CTDP1: variants seen among roughly 807,000 people sequenced by gnomAD.
CTDP1 encodes CTD phosphatase 1.
A neutral mutation model predicts 91.8 loss-of-function variants in CTDP1; 47 were observed. The observed-to-expected ratio is 0.51, with a 90% confidence interval of 0.41 to 0.65. The LOEUF (loss-of-function observed/expected upper bound fraction) is 0.65, where lower values mean the gene tolerates loss of function less well. Among genes scored for constraint, CTDP1 ranks in the 30% least tolerant of loss-of-function variants. The probability of loss-of-function intolerance (pLI) is 0.00; values close to 1 mark genes in which losing one functional copy is unlikely to be tolerated. For missense variants in CTDP1, 1,272 were observed against 1,373.7 expected, an observed-to-expected ratio of 0.93 and a Z score of 1.17; for synonymous variants, 656 against 598.5, an observed-to-expected ratio of 1.10 and a Z score of -1.40.
intron 12 of CTDP1, among the ~76,000 whole-genome samples, chr18:79,744,100 C>T (rs2086834193): frequency 6.6e-6 from 1 of 152,214 alleles, no homozygotes; most frequent in African/African-American, 2.4e-5. Flanking sequence ...GAGGATGCAG[C>T]CATTTGTCTC....
At chr18:79,738,030 G>A (rs1463270238) in intron 12 of CTDP1, among the ~76,000 whole-genome samples, 3 of 8,134 alleles carry the variant, frequency 3.7e-4, no homozygotes, top group Admixed American at 1.2e-3. Flanking sequence ...GCCTCCCCCC[G>A]CCCGCCCTGC....
intron 1 of CTDP1, chr18:79,682,993 C>T (rs950360907): frequency 5.9e-5 from 9 of 152,204 alleles, no homozygotes; most frequent in African/African-American, 2.2e-4. Context: ...GGTTTTTCCT[C>T]TGTTTTTCTT....
chr18:79,679,736 G>C, upstream of CTDP1: 2 of 508,870 alleles, frequency 3.9e-6, no homozygotes, highest in South Asian at 1.9e-5. Flanking sequence ...CCCGCGCGGC[G>C]CTCGTATTTA....
At chr18:79,697,403 C>T (rs751858258) in intron 3 of CTDP1, among the ~76,000 whole-genome samples, 5 of 152,226 alleles carry the variant, frequency 3.3e-5, no homozygotes, top group Middle Eastern at 3.2e-3. Context: ...GCCAGGCCCC[C>T]GGGTCTCTTC....
At chr18:79,723,929 T>C (rs1211918757) in intron 10 of CTDP1, among the ~76,000 whole-genome samples, 1 of 152,210 alleles carries the variant, frequency 6.6e-6, no homozygotes, top group Non-Finnish European at 1.5e-5. Flanking sequence ...CCCTCATTCA[T>C]GTCCTTCTCT....
rs963688705 is a variant in CTDP1 at position 79,718,099 on chromosome 18, G to A, written c.2417+83G>A. 6.6e-6 allele frequency: 10 copies of A among 1,512,654 alleles called. No homozygotes were observed. In the East Asian group the frequency reaches 2.1e-4, roughly 32 times the overall value. The allele number at this position is 1,512,654 out of a possible 1,614,324, so 93.7% of individuals were successfully genotyped here. On this transcript the variant is annotated intron_variant, in intron 10 of 12. Transcript: ENST00000613122. ...CCAGTCTGTTGGGGGGATGGCGTCAGTTGCCCGAAGTGAGGGCGGGTGGAG... is the reference window on the plus strand; with the variant it reads ...CCAGTCTGTTGGGGGGATGGCGTCAATTGCCCGAAGTGAGGGCGGGTGGAG...
At chr18:79,734,158 C>G (rs534362192) in intron 11 of CTDP1, among the ~76,000 whole-genome samples, 1 of 152,294 alleles carries the variant, frequency 6.6e-6, no homozygotes, top group South Asian at 2.1e-4. Flanking sequence ...TTGTGCTGGA[C>G]GACTTTGCCA....
In CTDP1 at chr18:79,736,429, G is replaced by C; in HGVS notation, c.2655G>C (p.Glu885Asp). 1 of 1,549,414 alleles carries C rather than the reference G, an allele frequency of 6.5e-7. No homozygotes were observed. Among genetic ancestry groups the C allele is most frequent in the Admixed American group, 2.0e-5 (1 of 51,014 alleles). Reference protein sequence around the residue: ...EKRRPEEQEEEPQPRKPGTRR... With the variant: ...EKRRPEEQEEDPQPRKPGTRR... Reference sequence around the variant, plus strand: ...GGAGGCCTGAGGAGCAGGAGGAGGAGCCCCAGCCCCGGAAGCCAGGGACCC... The same window carrying C: ...GGAGGCCTGAGGAGCAGGAGGAGGACCCCCAGCCCCGGAAGCCAGGGACCC... The change falls in exon 12 of 13, where the codon GAG (glutamate) becomes GAC (aspartate). Residue 885 changes from glutamate (E) to aspartate (D), a missense_variant. Physicochemically the swap from Glu to Asp is conservative, Grantham distance 45. This residue lies in a region of CTDP1 where 881 missense variants were observed against 911.6 expected (regional missense o/e 0.97). Transcript: ENST00000613122.
intron 4 of CTDP1, among the ~76,000 whole-genome samples, chr18:79,702,030 GAT>G (rs1216984188): frequency 2.0e-5 from 3 of 152,246 alleles, no homozygotes; most frequent in Admixed American, 2.0e-4. Context: ...GACCAAAAAG[GAT>G]TTGGAAGATT....
At chr18:79,708,040 A>G (rs2086004316) in intron 5 of CTDP1, among the ~76,000 whole-genome samples, 2 of 152,216 alleles carry the variant, frequency 1.3e-5, no homozygotes, top group Admixed American at 6.5e-5. Flanking sequence ...GTGAGAAACA[A>G]TCGCATTTAT....
intron 10 of CTDP1, among the ~76,000 whole-genome samples, chr18:79,720,177 C>T (rs2086309001): frequency 6.9e-6 from 1 of 145,032 alleles, no homozygotes; most frequent in Non-Finnish European, 1.5e-5. Flanking sequence ...CCTGTTGTGT[C>T]CTGGTGACGA....
chr18:79,708,052 T>C (rs1488376504), intron 5 of CTDP1, among the ~76,000 whole-genome samples: 2 of 152,210 alleles, frequency 1.3e-5, no homozygotes, highest in Non-Finnish European at 2.9e-5. Context: ...CGCATTTATT[T>C]CTCCTTTAAG....
chr18:79,713,150 C>T lies in CTDP1; in HGVS notation c.1030+12C>T, dbSNP rs1403399140. On this transcript the variant is annotated intron_variant, in intron 7 of 12. Transcript: ENST00000613122. This position sits in a 1 kb window ranked among gnomAD's most constrained non-coding sequence, Gnocchi z 4.7. Reference sequence around the variant, plus strand: ...GACGAGAAAGAAAGGTGGGTAACCTCCTTCCTGATTCTCTAGAAGAATTCA... The same window carrying T: ...GACGAGAAAGAAAGGTGGGTAACCTTCTTCCTGATTCTCTAGAAGAATTCA... The T allele has an allele frequency of 6.2e-7, 1 of 1,613,184 alleles. No homozygotes were observed. Among genetic ancestry groups the T allele is most frequent in the East Asian group, 2.2e-5 (1 of 44,864 alleles).
chr18:79,681,091 T>G (rs978415858), intron 1 of CTDP1: 1 of 152,376 alleles, frequency 6.6e-6, no homozygotes, highest in Non-Finnish European at 1.5e-5. Flanking sequence ...GATGCCACTC[T>G]CTTCCCTCCT....
At chr18:79,679,456 T>A (rs1304756316), upstream of CTDP1, 1 of 456,240 alleles carries the variant, frequency 2.2e-6, no homozygotes, top group South Asian at 1.5e-5. Flanking sequence ...AGTCTCGGGA[T>A]GCTGGGTCTC....
chr18:79,747,617 C>T (rs2086906800), intron 12 of CTDP1, among the ~76,000 whole-genome samples: 1 of 152,248 alleles, frequency 6.6e-6, no homozygotes, highest in Admixed American at 6.5e-5. Flanking sequence ...CTGCTTTGGG[C>T]AGCCCCAACG....
intron 10 of CTDP1, among the ~76,000 whole-genome samples, chr18:79,718,680 T>C (rs1484160563): frequency 1.3e-5 from 2 of 152,078 alleles, no homozygotes; most frequent in East Asian, 3.9e-4. Context: ...CCCATGTAAA[T>C]GGCTGTGGGA....
chr18:79,734,346 G>A (rs114380453), intron 11 of CTDP1, among the ~76,000 whole-genome samples: 1 of 152,374 alleles, frequency 6.6e-6, no homozygotes, highest in African/African-American at 2.4e-5. Context: ...CCCAGGAAAG[G>A]TAGGTGTCGT....
intron 1 of CTDP1, among the ~76,000 whole-genome samples, chr18:79,688,119 G>T (rs1018485067): frequency 1.3e-5 from 2 of 152,248 alleles, no homozygotes; most frequent in Non-Finnish European, 2.9e-5. Flanking sequence ...TGTTCTCCAG[G>T]ATGGCTGCGT....
Sources: gnomAD v4.1 joint callset for allele counts (sites outside exome capture counted in the v4.1 genomes callset) on GRCh38, gnomAD v4.1.1 for gene constraint, gnomAD v4.1.1 regional missense constraint, Gnocchi (gnomAD v3.1) non-coding constraint, MANE v1.5 for transcripts, NCBI Gene and HGNC (gene_info 2026-07-23, HGNC 2026-07-21) for gene names.